The following SNX29 variants were observed in gnomAD, a reference collection of about 807,000 sequenced individuals.
SNX29 encodes sorting nexin 29, also known as sorting nexin-29.
In SNX29, 78 loss-of-function variants were observed where a neutral mutation model predicts 102.1. The observed-to-expected ratio is 0.76, with a 90% confidence interval of 0.64 to 0.92. The LOEUF (loss-of-function observed/expected upper bound fraction) is 0.92. Among genes scored for constraint, SNX29 ranks in the 40% least tolerant of loss-of-function variants. The pLI is 0.00. For missense variants in SNX29, 1,280 were observed against 1,061.7 expected (o/e 1.21, Z -2.86); for synonymous variants, 580 against 414.5 (o/e 1.40, Z -4.85).
chr16:12,348,431 TC>T (rs777062524), intron 15 of SNX29, among the ~76,000 whole-genome samples: 5 of 152,046 alleles, frequency 3.3e-5, no homozygotes, highest in Non-Finnish European at 7.4e-5. Context: ...ACTGCTAGGG[TC>T]CCCCTGAGGG....
intron 18 of SNX29, among the ~76,000 whole-genome samples, chr16:12,422,507 CCT>C (rs2084912064): frequency 6.6e-6 from 1 of 152,178 alleles, no homozygotes; most frequent in African/African-American, 2.4e-5. Context: ...AGCTTGTTTC[CCT>C]CTCAGCTTCT....
intron 18 of SNX29, among the ~76,000 whole-genome samples, chr16:12,423,874 C>T (rs953496918): frequency 6.6e-6 from 1 of 152,158 alleles, no homozygotes; most frequent in African/African-American, 2.4e-5. Context: ...GCCCAGCCTA[C>T]AAGTTTTTGT....
At chr16:12,214,787 C>A (rs112549724) in intron 14 of SNX29, among the ~76,000 whole-genome samples, 2,439 of 152,258 alleles carry the variant, frequency 0.016, 33 homozygotes, top group Middle Eastern at 0.031. Context: ...CTCCAGATAC[C>A]CCTGCTCCAG....
At chr16:12,442,007 T>C (rs2085829760) in intron 18 of SNX29, among the ~76,000 whole-genome samples, 1 of 152,054 alleles carries the variant, frequency 6.6e-6, no homozygotes, top group Admixed American at 6.5e-5. Flanking sequence ...CTTGAACTCC[T>C]GACCTCAGGT....
At chr16:12,547,461 G>A (rs935060426) in intron 20 of SNX29, among the ~76,000 whole-genome samples, 2 of 152,126 alleles carry the variant, frequency 1.3e-5, no homozygotes, top group African/African-American at 2.4e-5. Flanking sequence ...AGGCAGCCTG[G>A]GAAGGGGTAT....
chr16:12,139,497 G>C (rs1477903487), intron 13 of SNX29, among the ~76,000 whole-genome samples: 1 of 152,180 alleles, frequency 6.6e-6, no homozygotes, highest in South Asian at 2.1e-4. Context: ...CTGTCACTTG[G>C]TATGAGTGTC....
At chr16:12,207,914 C>G (rs1260636611) in intron 14 of SNX29, among the ~76,000 whole-genome samples, 2 of 152,112 alleles carry the variant, frequency 1.3e-5, no homozygotes, top group Admixed American at 1.3e-4. Flanking sequence ...GGGTCTGGGA[C>G]TTAGAAACAT....
chr16:12,537,423 C>G (rs1349813121), intron 20 of SNX29, among the ~76,000 whole-genome samples: 1 of 152,200 alleles, frequency 6.6e-6, no homozygotes, highest in East Asian at 1.9e-4. Flanking sequence ...AATTCCAGCT[C>G]AACTACATAG....
chr16:12,536,052 C>T (rs2077068821), intron 20 of SNX29, among the ~76,000 whole-genome samples: 1 of 152,088 alleles, frequency 6.6e-6, no homozygotes, highest in Non-Finnish European at 1.5e-5. Flanking sequence ...ATGAGCTGAG[C>T]CCTTTGTCTT....
Position 12,428,709 on chromosome 16 carries a change from A to G in SNX29, c.2037+25180A>G, listed in dbSNP as rs541314684. ...CACCACACAGATACGATTGCAATTAATATCTCTTTCTAGTTAATCACACCA... is the reference window on the plus strand; with the variant it reads ...CACCACACAGATACGATTGCAATTAGTATCTCTTTCTAGTTAATCACACCA... On this transcript the variant is annotated intron_variant, in intron 18 of 20. Coordinates refer to ENST00000566228, the MANE Select transcript of SNX29 (RefSeq NM_032167.5). Among the ~76,000 whole-genome samples, 3 of 152,348 alleles carry G rather than the reference A, an allele frequency of 2.0e-5. No homozygotes were observed. In the South Asian group the frequency reaches 6.2e-4, roughly 32 times the overall value.
intron 14 of SNX29, among the ~76,000 whole-genome samples, chr16:12,222,926 A>G (rs1026591599): frequency 2.6e-5 from 4 of 152,144 alleles, no homozygotes; most frequent in Non-Finnish European, 4.4e-5. Flanking sequence ...ACAGGTGTAG[A>G]TATTATTCTC....
At chr16:12,046,345 A>C (rs1447262024) in intron 5 of SNX29, 39 bp from the exon 6 acceptor site, 1 of 1,605,380 alleles carries the variant, frequency 6.2e-7, no homozygotes, top group Admixed American at 1.7e-5. Flanking sequence ...ACAGAGAACC[A>C]CTGCTAAGAA....
chr16:12,344,916 G>A (rs1005373477), intron 15 of SNX29, among the ~76,000 whole-genome samples: 8 of 152,180 alleles, frequency 5.3e-5, no homozygotes, highest in East Asian at 3.8e-4. Flanking sequence ...AAGTAATTCC[G>A]GCCCCATTTT....
intron 16 of SNX29, among the ~76,000 whole-genome samples, chr16:12,370,616 G>A (rs1164223436): frequency 2.0e-5 from 3 of 152,148 alleles, no homozygotes; most frequent in African/African-American, 7.2e-5. Flanking sequence ...CATCAGTCAC[G>A]TAGGCACTTT....
rs562385397 is a variant in SNX29 at position 12,572,675 on chromosome 16, C to A, written c.*4046C>A. ...TCCTGTGTGAGCTGCAGCACCCACACGGGGGAAGCCCTGCACTCCAGCAGC... is the reference window on the plus strand; with the variant it reads ...TCCTGTGTGAGCTGCAGCACCCACAAGGGGGAAGCCCTGCACTCCAGCAGC... On this transcript the variant is annotated 3_prime_UTR_variant, in exon 21 of 21. Coordinates refer to ENST00000566228, the MANE Select transcript of SNX29 (RefSeq NM_032167.5). 1.7e-5 allele frequency: 18 copies of A among 1,063,352 alleles called. No individual in the cohort carries two copies. The highest frequency in any genetic ancestry group is 4.6e-5 in the South Asian group (1 of 21,976). 65.9% of individuals were successfully genotyped at this position (1,063,352 alleles called of 1,614,324 possible).
chr16:12,185,540 C>T lies in SNX29; in HGVS notation c.1596-14061C>T, dbSNP rs148704108. Reference sequence around the variant, plus strand: ...TGGGGTGTGGTTCTCCTGTTGGATACGTGGTGATGGTCCCCCTCCTTCAAT... The same window carrying T: ...TGGGGTGTGGTTCTCCTGTTGGATATGTGGTGATGGTCCCCCTCCTTCAAT... On this transcript the variant is annotated intron_variant, in intron 13 of 20. Transcript: ENST00000566228. Among the ~76,000 whole-genome samples the T allele has an allele frequency of 2.0e-3, 298 of 152,278 alleles. 2 individuals carry two copies. Among genetic ancestry groups the T allele is most frequent in the African/African-American group, 6.3e-3 (261 of 41,564 alleles).
At position 12,572,611 on chromosome 16, in the gene SNX29, G is replaced by A. The variant is rs3803609; in HGVS notation, c.*3982G>A. 644,642 of 1,063,742 alleles carry A rather than the reference G, an allele frequency of 0.61. 196,505 individuals carry two copies. Among genetic ancestry groups the A allele is most frequent in the African/African-American group, 0.69 (41,805 of 61,018 alleles). The allele number at this position is 1,063,742 out of a possible 1,614,324, so 65.9% of individuals were successfully genotyped here. On this transcript the variant is annotated 3_prime_UTR_variant, in exon 21 of 21. Coordinates refer to ENST00000566228, the MANE Select transcript of SNX29 (RefSeq NM_032167.5). ...GCTCCCAGTGAGCCCCCTCCCCTCC[G>A]GCTACCCCCAGAATCCATCCTTCAT...
At chr16:12,334,615 A>AT (rs1375955644) in intron 15 of SNX29, among the ~76,000 whole-genome samples, 1 of 152,150 alleles carries the variant, frequency 6.6e-6, no homozygotes, top group Admixed American at 6.5e-5. Flanking sequence ...GATCTGTTTG[A>AT]TTTGGCTAAT....
intron 4 of SNX29, among the ~76,000 whole-genome samples, chr16:12,042,179 C>T (rs1217310079): frequency 2.6e-5 from 4 of 152,028 alleles, no homozygotes; most frequent in African/African-American, 2.4e-5. Context: ...TACAGGTGTG[C>T]GCCACCATAC....
Sources: gnomAD v4.1 joint callset for allele counts (sites outside exome capture counted in the v4.1 genomes callset) on GRCh38, gnomAD v4.1.1 for gene constraint, MANE v1.5 for transcripts, NCBI Gene and HGNC (gene_info 2026-07-23, HGNC 2026-07-21) for gene names.